The following SDCBP variants were observed in gnomAD, a reference collection of about 807,000 sequenced individuals.
SDCBP encodes syndecan binding protein.
Under a neutral mutation model 30.5 loss-of-function variants are expected in SDCBP, and 22 were observed. The ratio of observed to expected loss-of-function variants is 0.72; its 90% CI spans 0.52 to 1.03. The LOEUF is 1.03. Ranked by LOEUF, SDCBP falls within the 50% of genes least tolerant of loss-of-function variation. SDCBP has a pLI of 0.00. For missense variants in SDCBP, 304 were observed against 369.9 expected, an observed-to-expected ratio of 0.82 and a Z score of 1.46; for synonymous variants, 103 against 118.7, an observed-to-expected ratio of 0.87 and a Z score of 0.86.
In SDCBP at chr8:58,581,983, A is replaced by G. The variant is rs1805714728; in HGVS notation, c.*243A>G. The G allele has an allele frequency of 4.1e-6, 2 of 488,352 alleles. No individual in the cohort carries two copies. The highest frequency in any genetic ancestry group is 3.6e-5 in the Admixed American group (1 of 28,072). 30.3% of individuals were successfully genotyped at this position (488,352 alleles called of 1,614,324 possible). On this transcript the variant is annotated 3_prime_UTR_variant, in exon 9 of 9. Transcript: ENST00000260130. ...TTTCAAGAGATTTACTGACTTTCCT[A>G]GAATAGTTTCTCTACTGGAAACCTG...
chr8:58,565,320 T>C (rs928722592), intron 2 of SDCBP, among the ~76,000 whole-genome samples: 2 of 152,114 alleles, frequency 1.3e-5, no homozygotes, highest in African/African-American at 4.8e-5. Flanking sequence ...ACTTACACTT[T>C]TTACATTTCT....
chr8:58,559,198 G>T (rs955892146), intron 1 of SDCBP, among the ~76,000 whole-genome samples: 4 of 152,112 alleles, frequency 2.6e-5, no homozygotes, highest in African/African-American at 9.7e-5. Context: ...TCTATGGAGA[G>T]AAAAGTTAGG....
In SDCBP at chr8:58,576,646, T is replaced by C. The variant is rs886764678; in HGVS notation, c.402+585T>C. ...AAAAAAGATGGAATATTCTTTCTAA[T>C]TAGGGCAGCCTTTACTTTATAATTA... is the stretch of plus-strand genomic sequence containing the variant. On this transcript the variant is annotated intron_variant, in intron 5 of 8. Coordinates refer to ENST00000260130, the MANE Select transcript of SDCBP (RefSeq NM_005625.4). Among the ~76,000 whole-genome samples, 21 of 152,360 alleles carry C rather than the reference T, an allele frequency of 1.4e-4. 1 individual carries two copies. Among genetic ancestry groups the C allele is most frequent in the Admixed American group, 1.3e-3 (20 of 15,308 alleles).
At chr8:58,570,726 C>T (rs1804967799) in intron 2 of SDCBP, 161 bp from the exon 3 acceptor site, 2 of 549,410 alleles carry the variant, frequency 3.6e-6, no homozygotes, top group Non-Finnish European at 6.5e-6. Context: ...TGCAGATTTC[C>T]TTTGGAAAAT....
chr8:58,578,050 A>T lies in SDCBP; in HGVS notation c.420A>T (p.Leu140=), dbSNP rs1805446321. Residue 140 remains leucine (L), a synonymous_variant, in exon 6 of 9, where the codon CTA becomes CTT. Transcript: ENST00000260130. ...KSIDNGIFVQ[L]VQANSPASLV... ...TTATCTAGGGTATATTTGTTCAGCT[A>T]GTCCAGGCTAATTCTCCAGCCTCAT... The T allele has an allele frequency of 1.9e-6, 3 of 1,613,210 alleles. No homozygotes were observed. Among genetic ancestry groups the T allele is most frequent in the African/African-American group, 1.3e-5 (1 of 74,900 alleles).
intron 2 of SDCBP, among the ~76,000 whole-genome samples, chr8:58,568,635 A>G (rs1804840563): frequency 1.3e-5 from 2 of 152,194 alleles, no homozygotes; most frequent in African/African-American, 2.4e-5. Flanking sequence ...TTACACCACC[A>G]TCACCACAAA....
chr8:58,578,846 G>T (rs1488622535), intron 6 of SDCBP, among the ~76,000 whole-genome samples: 1 of 152,110 alleles, frequency 6.6e-6, no homozygotes, highest in Non-Finnish European at 1.5e-5. Flanking sequence ...TTCTCATTCA[G>T]TTTAGGTATT....
At chr8:58,563,305 T>C (rs1804532909) in intron 1 of SDCBP, among the ~76,000 whole-genome samples, 1 of 152,148 alleles carries the variant, frequency 6.6e-6, no homozygotes, top group Non-Finnish European at 1.5e-5. Context: ...CTTGAACATA[T>C]GCTATGTGAA....
chr8:58,567,658 G>A (rs1214753849), intron 2 of SDCBP, among the ~76,000 whole-genome samples: 1 of 152,200 alleles, frequency 6.6e-6, no homozygotes, highest in Non-Finnish European at 1.5e-5. Context: ...TCATTAGACA[G>A]TTTTGTCGTG....
intron 1 of SDCBP, among the ~76,000 whole-genome samples, chr8:58,558,433 T>G (rs9297996): frequency 3.3e-5 from 5 of 151,844 alleles, no homozygotes; most frequent in African/African-American, 1.2e-4. Flanking sequence ...AGGCATGTGC[T>G]GCTGTCCCTG....
In SDCBP at chr8:58,582,115, T is replaced by C; in HGVS notation, c.*375T>C. 5.6e-6 allele frequency: 1 copy of C among 179,830 alleles called. No individual in the cohort carries two copies. Among genetic ancestry groups the C allele is most frequent in the Non-Finnish European group, 1.2e-5 (1 of 85,572 alleles). The allele number at this position is 179,830 out of a possible 1,614,324, so 11.1% of individuals were successfully genotyped here. A position where few individuals can be genotyped will look rare whatever the true frequency, so the allele number is the denominator to read the frequency against. On this transcript the variant is annotated 3_prime_UTR_variant, in exon 9 of 9. Transcript: ENST00000260130. ...ATGAGTAGTGCTGTTCATATTACTT[T>C]AGTTCTATAGCATACTTGCATCTTT...
chr8:58,570,265 A>C (rs1804941187), intron 2 of SDCBP, among the ~76,000 whole-genome samples: 1 of 152,222 alleles, frequency 6.6e-6, no homozygotes, highest in African/African-American at 2.4e-5. Context: ...AGAGTGTGTC[A>C]GAGTGATTTT....
intron 4 of SDCBP, among the ~76,000 whole-genome samples, chr8:58,573,964 T>C (rs1805185623): frequency 6.6e-6 from 1 of 152,246 alleles, no homozygotes; most frequent in East Asian, 1.9e-4. Context: ...GTTCAAACTT[T>C]ATAAAGGGCT....
At chr8:58,567,246 A>T (rs1397273207) in intron 2 of SDCBP, among the ~76,000 whole-genome samples, 1 of 152,242 alleles carries the variant, frequency 6.6e-6, no homozygotes, top group Non-Finnish European at 1.5e-5. Context: ...TGCAAATAAC[A>T]TAATTAAATT....
chr8:58,573,926 G>C (rs1429470650), intron 4 of SDCBP, among the ~76,000 whole-genome samples: 1 of 152,092 alleles, frequency 6.6e-6, no homozygotes. Flanking sequence ...GTTTCTCCTT[G>C]AAAGATGAAT....
chr8:58,556,091 T>A (rs1040895828), intron 1 of SDCBP, among the ~76,000 whole-genome samples: 2 of 152,200 alleles, frequency 1.3e-5, no homozygotes, highest in East Asian at 1.9e-4. Context: ...TATAATTTTT[T>A]AAAAAAATCA....
intron 2 of SDCBP, among the ~76,000 whole-genome samples, chr8:58,569,896 A>G (rs2129607921): frequency 6.6e-6 from 1 of 152,328 alleles, no homozygotes; most frequent in Middle Eastern, 3.4e-3. Context: ...ATCAGAACAT[A>G]TAATTTTAGT....
At chr8:58,556,148 A>T (rs1024411614) in intron 1 of SDCBP, among the ~76,000 whole-genome samples, 2 of 152,250 alleles carry the variant, frequency 1.3e-5, no homozygotes, top group Non-Finnish European at 2.9e-5. Context: ...TGTTTTTAAT[A>T]CAGCGGTTCC....
chr8:58,566,008 A>G (rs761032666), intron 2 of SDCBP, among the ~76,000 whole-genome samples: 3 of 152,184 alleles, frequency 2.0e-5, no homozygotes, highest in Admixed American at 6.5e-5. Flanking sequence ...TCATAGATCC[A>G]GTATGGATAT....
Sources: gnomAD v4.1 joint callset for allele counts (sites outside exome capture counted in the v4.1 genomes callset) on GRCh38, gnomAD v4.1.1 for gene constraint, MANE v1.5 for transcripts, NCBI Gene and HGNC (gene_info 2026-07-23, HGNC 2026-07-21) for gene names.